The following DDO variants were observed in gnomAD, a reference collection of about 807,000 sequenced individuals.
The protein encoded by DDO is D-aspartate oxidase, DDO.
A neutral mutation model predicts 16.8 loss-of-function variants in DDO; 16 were observed. That is an observed-to-expected ratio of 0.95 (90% CI 0.65 to 1.45). The LOEUF (loss-of-function observed/expected upper bound fraction) is 1.45. Ranked by LOEUF, DDO falls within the 40% of genes most tolerant of loss-of-function variation. The pLI is 0.00. For synonymous variants in DDO, 180 were observed against 167.2 expected (o/e 1.08, Z -0.59); for missense variants, 429 against 420.3 (o/e 1.02, Z -0.18).
intron 4 of DDO, among the ~76,000 whole-genome samples, chr6:110,402,894 T>C (rs1387460074): frequency 6.6e-6 from 1 of 152,118 alleles, no homozygotes; most frequent in Non-Finnish European, 1.5e-5. Flanking sequence ...TTCTCACTCA[T>C]CTGCCTCTCC....
chr6:110,388,821 AT>A (rs1773056255), downstream of DDO: 2 of 981,116 alleles, frequency 2.0e-6, no homozygotes, highest in African/African-American at 1.7e-5. Context: ...TCAGAAAAAA[AT>A]AAAAGATGTT....
downstream of DDO, among the ~76,000 whole-genome samples, chr6:110,391,157 C>A (rs1773091515): frequency 6.6e-6 from 1 of 152,228 alleles, no homozygotes; most frequent in African/African-American, 2.4e-5. Context: ...AGAATGTTCT[C>A]TGCAAACAAA....
At chr6:110,413,552 A>T in intron 1 of DDO, 86 bp from the exon 2 acceptor site, 1 of 1,409,434 alleles carries the variant, frequency 7.1e-7, no homozygotes, top group Non-Finnish European at 9.8e-7. Context: ...TTTTTTCCTT[A>T]GGTCTTCAGC....
intron 3 of DDO, 66 bp from the exon 4 acceptor site, chr6:110,405,016 A>G: frequency 7.1e-7 from 1 of 1,417,534 alleles, no homozygotes; most frequent in South Asian, 1.2e-5. Flanking sequence ...AGTAAACTTC[A>G]CATGACATTC....
In DDO at chr6:110,413,339, T is replaced by C; in HGVS notation, c.124A>G (p.Thr42Ala). 1 of 1,614,130 alleles carries C rather than the reference T, an allele frequency of 6.2e-7. No individual in the cohort carries two copies. The highest frequency in any genetic ancestry group is 8.5e-7 in the Non-Finnish European group (1 of 1,180,020). Residue 42 changes from threonine to alanine, a missense_variant, in exon 2 of 5, where the codon ACC (threonine) becomes GCC (alanine). Physicochemically the swap from Thr to Ala is moderately conservative, Grantham distance 58. Coordinates refer to ENST00000368924, the MANE Select transcript of DDO (RefSeq NM_001372108.2). ...ATTCCGGCTGCCACATCACTGGTGG[T>C]ATCTGGAGTAAACTTGTCTGAAATG... Reference protein sequence around the residue: ...TIISDKFTPDTTSDVAAGMLI... With the variant: ...TIISDKFTPDATSDVAAGMLI...
chr6:110,404,091 T>A (rs57333273), intron 4 of DDO, among the ~76,000 whole-genome samples: 33,677 of 152,194 alleles, frequency 0.22, 3,946 homozygotes, highest in South Asian at 0.34. Context: ...ACTCTCAACA[T>A]GCCTGCAAGT....
At chr6:110,400,634 G>A (rs1309521873) in intron 4 of DDO, among the ~76,000 whole-genome samples, 1 of 152,192 alleles carries the variant, frequency 6.6e-6, no homozygotes, top group Non-Finnish European at 1.5e-5. Context: ...CAAAATGAAA[G>A]CAATGAGCCC....
At position 110,393,181 on chromosome 6, in the gene DDO, T is replaced by C; in HGVS notation, c.620A>G (p.Gln207Arg). Residue 207 changes from glutamine (Q) to arginine (R), a missense_variant, in exon 5 of 5, where the codon CAG becomes CGG. Transcript: ENST00000368924. Reference sequence around the variant, plus strand: ...GATAAAATGCTCCACCCAGGGAGCCTGAACTTGGAGGACTTGGCCCCTTAC... The same window carrying C: ...GATAAAATGCTCCACCCAGGGAGCCCGAACTTGGAGGACTTGGCCCCTTAC... ...FPVRGQVLQV[Q>R]APWVEHFIRD... The C allele has an allele frequency of 1.2e-6, 2 of 1,614,270 alleles. No individual in the cohort carries two copies. The highest frequency in any genetic ancestry group is 2.2e-5 in the South Asian group (2 of 91,090).
In DDO at chr6:110,408,342, C is replaced by T; in HGVS notation, c.273G>A (p.Leu91=). ...SAEAGDAGVH[L]VSGWQIFQST... ...CAAATTTCTTCACTTACCCTGATAC[C>T]AAATGAACACCAGCATCTCCAGCTT... Residue 91 remains leucine (L), a synonymous_variant, in exon 3 of 5, where the codon TTG becomes TTA. Coordinates refer to ENST00000368924, the MANE Select transcript of DDO (RefSeq NM_001372108.2). 1.9e-6 allele frequency: 3 copies of T among 1,613,978 alleles called. No homozygotes were observed. Among genetic ancestry groups the T allele is most frequent in the Non-Finnish European group, 2.5e-6 (3 of 1,179,946 alleles).
Position 110,392,134 on chromosome 6 carries a change from G to A in DDO, c.*641C>T. 2 of 953,904 alleles carry A rather than the reference G, an allele frequency of 2.1e-6. No homozygotes were observed. The highest frequency in any genetic ancestry group is 2.5e-6 in the Non-Finnish European group (2 of 801,058). 59.1% of individuals were successfully genotyped at this position (953,904 alleles called of 1,614,324 possible). On this transcript the variant is annotated 3_prime_UTR_variant, in exon 5 of 5. Transcript: ENST00000368924. Reference sequence around the variant, plus strand: ...AGGAAAAGCTTGCTGCTAGTACTAGGAGCAAGCATGCTTTGTCTTCAATTA... The same window carrying A: ...AGGAAAAGCTTGCTGCTAGTACTAGAAGCAAGCATGCTTTGTCTTCAATTA...
chr6:110,390,609 G>C (rs759718835), downstream of DDO, among the ~76,000 whole-genome samples: 4 of 152,192 alleles, frequency 2.6e-5, no homozygotes, highest in Non-Finnish European at 5.9e-5. Context: ...AAAGGTCATA[G>C]AAGGTGAGCC....
At chr6:110,404,687 G>C in intron 4 of DDO, 87 bp downstream of exon 4, 1 of 1,448,118 alleles carries the variant, frequency 6.9e-7, no homozygotes, top group Non-Finnish European at 9.5e-7. Flanking sequence ...GGATGCCAGA[G>C]ACTTTTCAGT....
At chr6:110,394,978 C>A (rs12190180) in intron 4 of DDO, among the ~76,000 whole-genome samples, 18,797 of 152,160 alleles carry the variant, frequency 0.12, 1,336 homozygotes, top group Middle Eastern at 0.17. Flanking sequence ...GCTAAGTGCC[C>A]CACACCAAGT....
chr6:110,410,913 G>A (rs9398235), intron 2 of DDO, among the ~76,000 whole-genome samples: 31,339 of 151,916 alleles, frequency 0.21, 3,514 homozygotes, highest in South Asian at 0.31. Context: ...TGCCAAGGTC[G>A]CTGCTATTAC....
At chr6:110,399,958 A>G (rs1459230023) in intron 4 of DDO, among the ~76,000 whole-genome samples, 2 of 152,202 alleles carry the variant, frequency 1.3e-5, no homozygotes, top group Non-Finnish European at 2.9e-5. Context: ...CCCGCTGCCC[A>G]TAACCGACCC....
At chr6:110,405,989 G>A (rs755284406) in intron 3 of DDO, among the ~76,000 whole-genome samples, 31 of 152,076 alleles carry the variant, frequency 2.0e-4, no homozygotes, top group Non-Finnish European at 3.5e-4. Flanking sequence ...TTCCCCCATC[G>A]GAATATGTAT....
At chr6:110,400,083 G>C (rs939183555) in intron 4 of DDO, among the ~76,000 whole-genome samples, 3 of 152,200 alleles carry the variant, frequency 2.0e-5, no homozygotes, top group Non-Finnish European at 4.4e-5. Flanking sequence ...TAAGTGGCGG[G>C]AAATGCTGAC....
chr6:110,394,532 T>C (rs1773226973), intron 4 of DDO, among the ~76,000 whole-genome samples: 1 of 152,212 alleles, frequency 6.6e-6, no homozygotes, highest in South Asian at 2.1e-4. Context: ...CTCTGTTCAA[T>C]AGACGCAGGC....
intron 4 of DDO, among the ~76,000 whole-genome samples, chr6:110,395,929 A>T (rs1773275182): frequency 6.6e-6 from 1 of 152,140 alleles, no homozygotes; most frequent in Admixed American, 6.5e-5. Flanking sequence ...GCTACTCAGG[A>T]GGCTGAGATG....
Sources: gnomAD v4.1 joint callset for allele counts (sites outside exome capture counted in the v4.1 genomes callset) on GRCh38, gnomAD v4.1.1 for gene constraint, MANE v1.5 for transcripts, NCBI Gene and HGNC (gene_info 2026-07-23, HGNC 2026-07-21) for gene names.